Variants in TRPC5 observed in about 807,000 individuals in gnomAD.
The protein encoded by TRPC5 is short transient receptor potential channel 5.
Under a neutral mutation model 56.5 loss-of-function variants are expected in TRPC5, and 9 were observed. The ratio of observed to expected loss-of-function variants is 0.16; its 90% CI spans 0.10 to 0.28. The LOEUF (loss-of-function observed/expected upper bound fraction) is 0.28, where lower values mean the gene tolerates loss of function less well. Ranked by LOEUF, TRPC5 falls within the 10% of genes least tolerant of loss-of-function variation. The pLI is 1.00. For synonymous variants in TRPC5, 282 were observed against 278.5 expected, an observed-to-expected ratio of 1.01 and a Z score of -0.13; for missense variants, 469 against 748.9, an observed-to-expected ratio of 0.63 and a Z score of 4.36.
intron 1 of TRPC5, among the ~76,000 whole-genome samples, chrX:112,047,772 C>T (rs1930088812): frequency 8.9e-6 from 1 of 111,777 alleles, no homozygotes; most frequent in Admixed American, 9.5e-5. Context: ...CCTTCACTGG[C>T]TATTTCTTTC....
In TRPC5 at chrX:111,772,763, A is replaced by G. The variant is rs893149700; in HGVS notation, c.*3550T>C. Among the ~76,000 whole-genome samples the G allele has an allele frequency of 1.8e-5, 2 of 111,460 alleles. No individual in the cohort carries two copies. The highest frequency in any genetic ancestry group is 3.8e-5 in the Non-Finnish European group (2 of 53,118). On this transcript the variant is annotated 3_prime_UTR_variant, in exon 11 of 11. Transcript: ENST00000262839. ...TTTCTAAGGTACTTTTAAACAAAGG[A>G]TTTGCTGCCTATCTTCAAGTACTTT...
At chrX:111,874,818 A>G (rs1234805357) in intron 3 of TRPC5, among the ~76,000 whole-genome samples, 3 of 112,541 alleles carry the variant, frequency 2.7e-5, no homozygotes, top group Non-Finnish European at 5.6e-5. Context: ...AGCCACATTC[A>G]TTTGTTTATG....
At chrX:111,815,550 G>A (rs762598863) in intron 7 of TRPC5, among the ~76,000 whole-genome samples, 7 of 110,496 alleles carry the variant, frequency 6.3e-5, no homozygotes, top group South Asian at 7.9e-4. Flanking sequence ...GTGAAACCCC[G>A]TCTCTACTAA....
chrX:111,928,077 C>T (rs1465249384), intron 2 of TRPC5, among the ~76,000 whole-genome samples: 2 of 111,228 alleles, frequency 1.8e-5, no homozygotes, highest in Admixed American at 1.9e-4. Context: ...TCATCTAGCA[C>T]AGACATCTTA....
chrX:111,912,592 T>C lies in TRPC5; in HGVS notation c.599A>G (p.Tyr200Cys). The C allele has an allele frequency of 8.3e-7, 1 of 1,211,824 alleles. No homozygotes were observed. Among genetic ancestry groups the C allele is most frequent in the Non-Finnish European group, 1.1e-6 (1 of 895,516 alleles). The change falls in exon 3 of 11, where the codon TAT becomes TGT. Residue 200 changes from tyrosine to cysteine, a missense_variant. Transcript: ENST00000262839. ...LRHSRSRLNI[Y>C]KALASPSLIA... ...GAGTGAGGGGCTTGCCAGAGCCTTA[T>C]AGATGTTCAGTCGGGAGCGAGAGTG... is the stretch of plus-strand genomic sequence containing the variant.
At chrX:112,075,536 G>A (rs1930815497) in intron 1 of TRPC5, among the ~76,000 whole-genome samples, 1 of 112,186 alleles carries the variant, frequency 8.9e-6, no homozygotes, top group Non-Finnish European at 1.9e-5. Flanking sequence ...AATATGATAT[G>A]TTACATGGTG....
chrX:111,880,110 C>A (rs1317541275), intron 3 of TRPC5, among the ~76,000 whole-genome samples: 1 of 110,051 alleles, frequency 9.1e-6, no homozygotes, highest in Admixed American at 9.7e-5. Flanking sequence ...AACCACATGG[C>A]TATTTTCCTA....
At position 112,011,391 on chromosome X, in the gene TRPC5, G is replaced by A. The variant is rs181534630; in HGVS notation, c.-21-58950C>T. On this transcript the variant is annotated intron_variant, in intron 1 of 10. Transcript: ENST00000262839. ...TATGCATATATTTTTATAATAAAAA[G>A]GTTACAGGCATCATAATGACTGTGA... 2.9e-3 allele frequency among the ~76,000 whole-genome samples: 329 copies of A among 112,010 alleles called. 1 individual carries two copies. The highest frequency in any genetic ancestry group is 9.9e-3 in the African/African-American group (305 of 30,842).
At chrX:111,961,177 C>T (rs1306349292) in intron 1 of TRPC5, among the ~76,000 whole-genome samples, 2 of 112,145 alleles carry the variant, frequency 1.8e-5, no homozygotes, top group Non-Finnish European at 3.8e-5. Flanking sequence ...GTTCTTTTTA[C>T]TATTTTTGTA....
chrX:112,020,572 C>T (rs1929248233), intron 1 of TRPC5, among the ~76,000 whole-genome samples: 1 of 111,927 alleles, frequency 8.9e-6, no homozygotes, highest in Non-Finnish European at 1.9e-5. Context: ...TTTGTTTCTC[C>T]AGTGTTGACA....
At chrX:111,958,254 A>T (rs1044065947) in intron 1 of TRPC5, among the ~76,000 whole-genome samples, 2 of 112,031 alleles carry the variant, frequency 1.8e-5, no homozygotes, top group African/African-American at 6.5e-5. Flanking sequence ...TTCAAGCCCC[A>T]CACATGTCAT....
intron 1 of TRPC5, among the ~76,000 whole-genome samples, chrX:112,035,926 G>C (rs1009564418): frequency 9.2e-6 from 1 of 108,670 alleles, no homozygotes; most frequent in Non-Finnish European, 1.9e-5. Context: ...ATCGCGCCCG[G>C]CCTATATTAT....
intron 6 of TRPC5, among the ~76,000 whole-genome samples, chrX:111,841,273 C>T (rs746624094): frequency 1.8e-5 from 2 of 111,944 alleles, no homozygotes; most frequent in African/African-American, 6.5e-5. Flanking sequence ...TTTCGCTTTT[C>T]GTGTGTTCAT....
intron 1 of TRPC5, among the ~76,000 whole-genome samples, chrX:112,073,430 C>T (rs751278538): frequency 9.6e-6 from 1 of 103,992 alleles, no homozygotes; most frequent in Non-Finnish European, 2.1e-5. Context: ...CCACCATGCC[C>T]GGCTAATTTT....
intron 1 of TRPC5, among the ~76,000 whole-genome samples, chrX:111,967,945 A>G (rs1927650552): frequency 9.0e-6 from 1 of 110,872 alleles, no homozygotes; most frequent in East Asian, 2.8e-4. Flanking sequence ...ACCAAAAGCA[A>G]TGGCAACCAA....
chrX:111,966,678 T>C (rs1468303678), intron 1 of TRPC5, among the ~76,000 whole-genome samples: 7 of 109,042 alleles, frequency 6.4e-5, no homozygotes, highest in African/African-American at 1.3e-4. Flanking sequence ...GTTCAACATA[T>C]GCAAATCAAT....
intron 3 of TRPC5, among the ~76,000 whole-genome samples, chrX:111,859,547 C>T (rs987065616): frequency 8.9e-6 from 1 of 112,011 alleles, no homozygotes; most frequent in African/African-American, 3.2e-5. Flanking sequence ...AAGCCAAGCC[C>T]AGCCATGTAT....
chrX:111,788,179 A>G (rs1471833480), intron 7 of TRPC5, among the ~76,000 whole-genome samples: 2 of 111,919 alleles, frequency 1.8e-5, no homozygotes, highest in Non-Finnish European at 3.8e-5. Context: ...ATACTGGCAA[A>G]CCGAATCCAG....
intron 1 of TRPC5, among the ~76,000 whole-genome samples, chrX:112,070,960 T>C (rs947323335): frequency 6.3e-5 from 7 of 111,514 alleles, no homozygotes; most frequent in African/African-American, 2.3e-4. Context: ...TTTACACAAA[T>C]TGTCTTATTT....
Sources: allele counts gnomAD v4.1 joint callset (sites outside exome capture counted in the v4.1 genomes callset), GRCh38; gene constraint gnomAD v4.1.1; transcripts MANE v1.5; gene names NCBI Gene and HGNC (gene_info 2026-07-23, HGNC 2026-07-21).